Variants in QTGAL observed in about 807,000 individuals in gnomAD.
QTGAL encodes BGnT-like protein 1.
the QTGAL span, among the ~76,000 whole-genome samples, chr17:82,952,759 C>T: frequency 6.6e-6 from 1 of 152,204 alleles, no homozygotes; most frequent in South Asian, 2.1e-4. Flanking sequence ...TTCTTCTCAG[C>T]ACCACACAGC....
At chr17:82,962,966 C>T in the QTGAL span, among the ~76,000 whole-genome samples, 5,222 of 152,240 alleles carry the variant, frequency 0.034, 141 homozygotes, top group South Asian at 0.1. Context: ...CCTCACTCCT[C>T]CCCCAGGCTT....
the QTGAL span, chr17:82,942,839 C>T: frequency 1.5e-4 from 53 of 342,154 alleles, no homozygotes; most frequent in African/African-American, 8.3e-4. Context: ...CTGGTGCTGT[C>T]CCTGCTGTGG....
the QTGAL span, chr17:82,957,533 C>CCACAGATGCA: frequency 1.3e-6 from 2 of 1,568,782 alleles, no homozygotes; most frequent in Non-Finnish European, 1.7e-6. Flanking sequence ...GCCGGAGGCC[C>CCACAGATGCA]CACAGATGCA....
chr17:82,948,730 C>T, the QTGAL span: 1 of 152,216 alleles, frequency 6.6e-6, no homozygotes, highest in East Asian at 1.9e-4. Context: ...GCATTTCGTT[C>T]CTGGAAAAGC....
At chr17:83,037,552 G>A in the QTGAL span, among the ~76,000 whole-genome samples, 10 of 152,242 alleles carry the variant, frequency 6.6e-5, no homozygotes, top group African/African-American at 2.4e-4. This position sits in a 1 kb window ranked among gnomAD's most constrained non-coding sequence, Gnocchi z 5.2. Context: ...GGGATGGATG[G>A]TGGGCCGTGT....
chr17:82,949,246 T>C, the QTGAL span: 1 of 152,176 alleles, frequency 6.6e-6, no homozygotes, highest in African/African-American at 2.4e-5. Flanking sequence ...TAGAATTTAT[T>C]CCACACAGAG....
At chr17:82,996,557 A>C in the QTGAL span, among the ~76,000 whole-genome samples, 1 of 151,966 alleles carries the variant, frequency 6.6e-6, no homozygotes, top group Non-Finnish European at 1.5e-5. Flanking sequence ...ACAACCCTAA[A>C]ATTTATATGA....
the QTGAL span, among the ~76,000 whole-genome samples, chr17:83,032,505 A>G: frequency 9.6e-6 from 1 of 104,656 alleles, no homozygotes; most frequent in Non-Finnish European, 2.0e-5. Flanking sequence ...TCGGGAGCTG[A>G]ACAACCAGGT....
chr17:83,024,244 C>CTG, the QTGAL span, among the ~76,000 whole-genome samples: 2,228 of 152,122 alleles, frequency 0.015, 48 homozygotes, highest in African/African-American at 0.05. Flanking sequence ...GTGGTCCCGG[C>CTG]CACAGCTCCT....
At chr17:82,955,611 C>G in the QTGAL span, among the ~76,000 whole-genome samples, 1 of 152,110 alleles carries the variant, frequency 6.6e-6, no homozygotes, top group Non-Finnish European at 1.5e-5. Flanking sequence ...GGATCTAGAG[C>G]CAGAAATGCC....
the QTGAL span, among the ~76,000 whole-genome samples, chr17:82,977,783 G>A: frequency 6.6e-6 from 1 of 152,184 alleles, no homozygotes; most frequent in African/African-American, 2.4e-5. Flanking sequence ...CTGGGACCGA[G>A]GGGGGTGGAA....
the QTGAL span, among the ~76,000 whole-genome samples, chr17:83,008,806 A>T: frequency 2.0e-4 from 30 of 151,618 alleles, 1 homozygote; most frequent in Admixed American, 1.8e-3. Context: ...CCCAGCCAGG[A>T]TCCCTGCCGC....
At chr17:83,032,124 G>C in the QTGAL span, among the ~76,000 whole-genome samples, 606 of 132,210 alleles carry the variant, frequency 4.6e-3, no homozygotes, top group African/African-American at 0.019. Flanking sequence ...GACCGAGCTC[G>C]GGAGCTGAAC....
chr17:83,027,072 C>A, the QTGAL span, among the ~76,000 whole-genome samples: 1 of 147,676 alleles, frequency 6.8e-6, no homozygotes, highest in Non-Finnish European at 1.5e-5. Flanking sequence ...GGGGAGCCTG[C>A]AGGCAAACCC....
chr17:83,039,172 A>C, the QTGAL span, among the ~76,000 whole-genome samples: 1 of 151,864 alleles, frequency 6.6e-6, no homozygotes. Context: ...TCCTCTCTGC[A>C]CCTGTTTATG....
At chr17:82,970,635 CCTCCGCACCCG>C in the QTGAL span, among the ~76,000 whole-genome samples, 57 of 108,686 alleles carry the variant, frequency 5.2e-4, 5 homozygotes, top group African/African-American at 1.8e-3. Flanking sequence ...GTGGCCGCGA[CCTCCGCACCCG>C]GTGTGGCCGC....
the QTGAL span, among the ~76,000 whole-genome samples, chr17:82,966,878 G>A: frequency 6.6e-6 from 1 of 152,188 alleles, no homozygotes; most frequent in Non-Finnish European, 1.5e-5. Context: ...CAAAGAAAAC[G>A]AAAAGATAAT....
chr17:82,955,740 A>G, the QTGAL span, among the ~76,000 whole-genome samples: 9 of 152,342 alleles, frequency 5.9e-5, no homozygotes, highest in African/African-American at 2.2e-4. Flanking sequence ...AAAGACATGG[A>G]ATCAACCCAA....
the QTGAL span, among the ~76,000 whole-genome samples, chr17:83,018,856 T>C: frequency 6.6e-6 from 1 of 152,214 alleles, no homozygotes; most frequent in Non-Finnish European, 1.5e-5. Context: ...GAGGCCGCAC[T>C]GACTCCAAAT....
Sources: allele counts gnomAD v4.1 joint callset (sites outside exome capture counted in the v4.1 genomes callset), GRCh38; gene constraint gnomAD v4.1.1; non-coding constraint Gnocchi (gnomAD v3.1); transcripts MANE v1.5; gene names NCBI Gene and HGNC (gene_info 2026-07-23, HGNC 2026-07-21).